IL17RB: variants seen among roughly 807,000 people sequenced by gnomAD.
IL17RB encodes the protein interleukin 17 receptor B.
A neutral mutation model predicts 43.9 loss-of-function variants in IL17RB; 36 were observed. That is an observed-to-expected ratio of 0.82 (90% CI 0.63 to 1.08). The LOEUF (loss-of-function observed/expected upper bound fraction) is 1.08, where lower values mean the gene tolerates loss of function less well. Ranked by LOEUF, IL17RB falls within the 50% of genes least tolerant of loss-of-function variation. The probability of loss-of-function intolerance (pLI) is 0.00; values close to 1 mark genes in which losing one functional copy is unlikely to be tolerated. For synonymous variants in IL17RB, 225 were observed against 225.4 expected, an observed-to-expected ratio of 1.00 and a Z score of 0.02; for missense variants, 613 against 613.6, an observed-to-expected ratio of 1.00 and a Z score of 0.01.
chr3:53,862,881 G>T (rs1559784086), intron 10 of IL17RB, among the ~76,000 whole-genome samples: 1 of 152,126 alleles, frequency 6.6e-6, no homozygotes, highest in Non-Finnish European at 1.5e-5. Flanking sequence ...CAGAAATTAT[G>T]ATGTCTTTCT....
At chr3:53,852,301 C>G (rs1559775960) in intron 4 of IL17RB, among the ~76,000 whole-genome samples, 175 bp downstream of exon 4, 1 of 152,040 alleles carries the variant, frequency 6.6e-6, no homozygotes, top group Non-Finnish European at 1.5e-5. Flanking sequence ...GCCACCAGAC[C>G]TGGCTAATTT....
At chr3:53,858,898 TTGTG>T (rs1233336344) in intron 9 of IL17RB, 80 bp downstream of exon 9, 3 of 1,177,050 alleles carry the variant, frequency 2.5e-6, no homozygotes, top group Admixed American at 1.8e-5. Flanking sequence ...TGTGGAAGGG[TTGTG>T]TGTATGTGGG....
chr3:53,864,997 G>A lies in IL17RB; in HGVS notation c.1198G>A (p.Val400Ile), dbSNP rs199637339. The A allele has an allele frequency of 2.2e-5, 35 of 1,614,050 alleles. No homozygotes were observed. In the South Asian group the frequency reaches 2.2e-4, roughly 10 times the overall value. ...DKVVFLLSNDVNSVCDGTCGK... is the reference protein window; with the variant it reads ...DKVVFLLSNDINSVCDGTCGK... ...AGTCGTCTTCCTTCTTTCCAATGAC[G>A]TCAACAGTGTGTGCGATGGTACCTG... The change falls in exon 11 of 11, where the codon GTC becomes ATC. Residue 400 changes from valine to isoleucine, a missense_variant. Val to Ile is a conservative substitution (Grantham distance 29). Coordinates refer to ENST00000288167, the MANE Select transcript of IL17RB (RefSeq NM_018725.4).
chr3:53,858,822 A>G lies in IL17RB; in HGVS notation c.847+4A>G. The G allele has an allele frequency of 6.2e-7, 1 of 1,609,172 alleles. No individual in the cohort carries two copies. Among genetic ancestry groups the G allele is most frequent in the Non-Finnish European group, 8.5e-7 (1 of 1,175,546 alleles). ...GTCCCTTTCCCTCTGGATAACAGTA[A>G]GTGCCCAGTAACTTCAACCAGATGA... On this transcript the variant is annotated splice_donor_region_variant and intron_variant, in intron 9 of 10. Transcript: ENST00000288167.
chr3:53,858,397 T>C (rs919020118), intron 8 of IL17RB: 8 of 1,117,356 alleles, frequency 7.2e-6, no homozygotes, highest in Non-Finnish European at 8.8e-6. Flanking sequence ...AGAGGATCAC[T>C]GCTGCTCCTT....
At chr3:53,858,436 G>GT in intron 8 of IL17RB, 1 of 1,187,582 alleles carries the variant, frequency 8.4e-7, no homozygotes, top group African/African-American at 1.6e-5. Flanking sequence ...TGTCTACGTG[G>GT]TAAGATATGA....
intron 7 of IL17RB, among the ~76,000 whole-genome samples, chr3:53,857,370 C>T (rs1343245776): frequency 6.6e-6 from 1 of 152,182 alleles, no homozygotes; most frequent in Non-Finnish European, 1.5e-5. Flanking sequence ...AGTGCAGCCT[C>T]CACCTCCCGG....
chr3:53,860,475 C>T, intron 10 of IL17RB: 1 of 347,814 alleles, frequency 2.9e-6, no homozygotes. Flanking sequence ...ACCATTGAGC[C>T]TTCTACCAGT....
chr3:53,852,833 T>A (rs774132607), intron 4 of IL17RB, 38 bp from the exon 5 acceptor site: 1 of 1,604,510 alleles, frequency 6.2e-7, no homozygotes, highest in South Asian at 1.1e-5. Flanking sequence ...TGTACTGCAG[T>A]GTTTTGGGAA....
rs954586240 is a variant in IL17RB at position 53,865,363 on chromosome 3, G to GA, written c.*61dup. The GA allele has an allele frequency of 1.0e-4, 139 of 1,376,966 alleles. No homozygotes were observed. The highest frequency in any genetic ancestry group is 5.2e-4 in the Middle Eastern group (2 of 3,860). The allele number at this position is 1,376,966 out of a possible 1,614,324, so 85.3% of individuals were successfully genotyped here. ...GGCTTCCTATCCCACCAATTACAGG[G>GA]AAAAAACGTGTGATGATCCTGAAGC... is the stretch of plus-strand genomic sequence containing the variant. On this transcript the variant is annotated 3_prime_UTR_variant, in exon 11 of 11. Coordinates refer to ENST00000288167, the MANE Select transcript of IL17RB (RefSeq NM_018725.4).
At chr3:53,864,407 C>T (rs1193893327) in intron 10 of IL17RB, among the ~76,000 whole-genome samples, 5 of 151,964 alleles carry the variant, frequency 3.3e-5, no homozygotes, top group East Asian at 1.9e-4. Flanking sequence ...TGGTGGCGGG[C>T]GCCTGTAGTC....
intron 3 of IL17RB, among the ~76,000 whole-genome samples, chr3:53,850,719 A>C (rs1229536703): frequency 6.6e-6 from 1 of 151,950 alleles, no homozygotes; most frequent in Non-Finnish European, 1.5e-5. Context: ...GCAGGAGAAT[A>C]ACTTGAACCC....
chr3:53,846,761 C>G lies in IL17RB; in HGVS notation c.60+113C>G, dbSNP rs1305743677. ...CGAAGGCGTGCGCGGACTGCCGGCTCAAGGGGCATGCCTGCACCCTCAGGG... is the reference window on the plus strand; with the variant it reads ...CGAAGGCGTGCGCGGACTGCCGGCTGAAGGGGCATGCCTGCACCCTCAGGG... On this transcript the variant is annotated intron_variant, in intron 1 of 10. Coordinates refer to ENST00000288167, the MANE Select transcript of IL17RB (RefSeq NM_018725.4). The G allele has an allele frequency of 2.9e-5, 33 of 1,157,668 alleles. No homozygotes were observed. The Middle Eastern group carries it at 7.8e-4, about 27-fold the overall frequency. 71.7% of individuals were successfully genotyped at this position (1,157,668 alleles called of 1,614,324 possible).
chr3:53,856,008 G>A (rs1200512584), intron 6 of IL17RB, among the ~76,000 whole-genome samples: 1 of 152,166 alleles, frequency 6.6e-6, no homozygotes, highest in Admixed American at 6.5e-5. Flanking sequence ...AGAACTCTTA[G>A]GCACCCTTCA....
At position 53,852,100 on chromosome 3, in the gene IL17RB, A is replaced by C. The variant is rs1230920303; in HGVS notation, c.328A>C (p.Thr110Pro). 4 of 1,613,930 alleles carry C rather than the reference A, an allele frequency of 2.5e-6. No individual in the cohort carries two copies. In the African/African-American group the frequency reaches 5.3e-5, roughly 22 times the overall value. ...GTGCAATTACACAGAGGCCTTCCAG[A>C]CTCAGACCAGACCCTCTGGTGGTAA... ...VRCNYTEAFQ[T>P]QTRPSGGKWT... Residue 110 changes from threonine (T) to proline (P), a missense_variant, in exon 4 of 11, where the codon ACT becomes CCT. Coordinates refer to ENST00000288167, the MANE Select transcript of IL17RB (RefSeq NM_018725.4).
intron 10 of IL17RB, among the ~76,000 whole-genome samples, chr3:53,863,592 G>GT (rs1204686585): frequency 7.2e-5 from 11 of 152,244 alleles, no homozygotes; most frequent in African/African-American, 2.6e-4. Flanking sequence ...TTCAAACATG[G>GT]TTTGTTTTAC....
intron 10 of IL17RB, among the ~76,000 whole-genome samples, chr3:53,863,556 G>C (rs1699650144): frequency 6.6e-6 from 1 of 152,206 alleles, no homozygotes; most frequent in South Asian, 2.1e-4. Flanking sequence ...TAGGGATGCT[G>C]TCTGACCTGT....
At position 53,846,593 on chromosome 3, in the gene IL17RB, C is replaced by T. The variant is rs375141109; in HGVS notation, c.5C>T (p.Ser2Leu). 3.9e-5 allele frequency: 61 copies of T among 1,584,294 alleles called. No individual in the cohort carries two copies. The highest frequency in any genetic ancestry group is 1.0e-4 in the Admixed American group (6 of 57,962). The part of the protein sequence containing the change: M[S>L]LVLLSLAALC... Reference sequence around the variant, plus strand: ...ATCCCGCGCAGTGGCCCGGCGATGTCGCTCGTGCTGCTAAGCCTGGCCGCG... The same window carrying T: ...ATCCCGCGCAGTGGCCCGGCGATGTTGCTCGTGCTGCTAAGCCTGGCCGCG... Residue 2 changes from serine to leucine, a missense_variant, in exon 1 of 11, where the codon TCG (serine) becomes TTG (leucine). Coordinates refer to ENST00000288167, the MANE Select transcript of IL17RB (RefSeq NM_018725.4).
chr3:53,852,161 A>G (rs1283035396), intron 4 of IL17RB, 35 bp downstream of exon 4: 5 of 1,598,184 alleles, frequency 3.1e-6, no homozygotes, highest in Admixed American at 1.7e-5. Context: ...TTGTTTTTTG[A>G]GATAGCATCT....
Sources: allele counts gnomAD v4.1 joint callset (sites outside exome capture counted in the v4.1 genomes callset), GRCh38; gene constraint gnomAD v4.1.1; transcripts MANE v1.5; gene names NCBI Gene and HGNC (gene_info 2026-07-23, HGNC 2026-07-21).